The following VWC2L variants were observed in gnomAD, a reference collection of about 807,000 sequenced individuals.
VWC2L encodes von Willebrand factor C domain containing 2 like.
Under a neutral mutation model 21.6 loss-of-function variants are expected in VWC2L, and 10 were observed. The ratio of observed to expected loss-of-function variants is 0.46; its 90% CI spans 0.29 to 0.78. The LOEUF is 0.78. VWC2L is among the 30% of genes least tolerant of loss of function. VWC2L has a pLI of 0.10. For missense variants in VWC2L, 209 were observed against 277.1 expected (o/e 0.75, Z 1.74); for synonymous variants, 96 against 94.3 (o/e 1.02, Z -0.10).
intron 3 of VWC2L, among the ~76,000 whole-genome samples, chr2:214,564,872 C>A (rs1314265276): frequency 6.6e-6 from 1 of 152,072 alleles, no homozygotes; most frequent in Non-Finnish European, 1.5e-5. Flanking sequence ...TACACATCTC[C>A]TCCCTCATCA....
At chr2:214,575,093 CAAAT>C (rs2105936246) in intron 3 of VWC2L, among the ~76,000 whole-genome samples, 1 of 135,934 alleles carries the variant, frequency 7.4e-6, no homozygotes, top group Admixed American at 7.3e-5. Flanking sequence ...TTATAAAAAT[CAAAT>C]GAACCTCTAA....
At chr2:214,444,738 A>G (rs1702814513) in intron 3 of VWC2L, among the ~76,000 whole-genome samples, 1 of 152,054 alleles carries the variant, frequency 6.6e-6, no homozygotes, top group Non-Finnish European at 1.5e-5. Flanking sequence ...GTGTATTACA[A>G]TTTAGTACAC....
intron 3 of VWC2L, among the ~76,000 whole-genome samples, chr2:214,512,919 G>A (rs1392301275): frequency 6.6e-6 from 1 of 152,086 alleles, no homozygotes; most frequent in Non-Finnish European, 1.5e-5. Flanking sequence ...AAACATCACT[G>A]GTTTTTCAAG....
chr2:214,568,602 C>T (rs1398635598), intron 3 of VWC2L, among the ~76,000 whole-genome samples: 2 of 152,040 alleles, frequency 1.3e-5, no homozygotes, highest in Non-Finnish European at 2.9e-5. Flanking sequence ...TAGGGGAACT[C>T]CCTTTTTTAA....
intron 3 of VWC2L, among the ~76,000 whole-genome samples, chr2:214,442,040 T>A (rs1369541323): frequency 6.6e-6 from 1 of 151,870 alleles, no homozygotes; most frequent in Admixed American, 6.6e-5. Flanking sequence ...GCCTCCCAAG[T>A]AGCTGGGATT....
At chr2:214,478,475 A>G (rs1688557021) in intron 3 of VWC2L, among the ~76,000 whole-genome samples, 1 of 152,002 alleles carries the variant, frequency 6.6e-6, no homozygotes, top group South Asian at 2.1e-4. Flanking sequence ...TCTCAAAAAA[A>G]AAAAAACAAC....
intron 3 of VWC2L, among the ~76,000 whole-genome samples, chr2:214,468,218 T>C (rs1396217730): frequency 6.6e-6 from 1 of 152,168 alleles, no homozygotes; most frequent in Non-Finnish European, 1.5e-5. Flanking sequence ...AGTTTCACCA[T>C]GTTGGCCAAG....
intron 3 of VWC2L, among the ~76,000 whole-genome samples, chr2:214,504,135 A>C (rs942919127): frequency 2.0e-5 from 3 of 152,254 alleles, no homozygotes; most frequent in African/African-American, 7.2e-5. Context: ...ACAAAAATCA[A>C]AAGAATGCAG....
At chr2:214,435,574 G>A (rs1702668159) in intron 2 of VWC2L, among the ~76,000 whole-genome samples, 1 of 152,130 alleles carries the variant, frequency 6.6e-6, no homozygotes, top group Admixed American at 6.6e-5. Flanking sequence ...AGCTGACAAG[G>A]GTTTTGGACA....
At chr2:214,508,266 C>T (rs567063884) in intron 3 of VWC2L, among the ~76,000 whole-genome samples, 22 of 152,210 alleles carry the variant, frequency 1.4e-4, no homozygotes, top group Non-Finnish European at 3.2e-4. Flanking sequence ...GCACCACCAC[C>T]CCCGGCTCTT....
chr2:214,411,713 T>C lies in VWC2L; in HGVS notation c.-154T>C, dbSNP rs1386875030. On this transcript the variant is annotated 5_prime_UTR_variant, in exon 1 of 4. An upstream open reading frame in the 5' UTR loses its in-frame stop. Transcript: ENST00000312504. ...GGTAATTAAAGAGGAACTGCTTTCT[T>C]AAAACATACCTGACCTTTTAGTTCA... The C allele has an allele frequency of 6.6e-6, 1 of 152,242 alleles. No individual in the cohort carries two copies. Among genetic ancestry groups the C allele is most frequent in the Non-Finnish European group, 1.5e-5 (1 of 68,048 alleles). 9.4% of individuals were successfully genotyped at this position (152,242 alleles called of 1,614,324 possible).
chr2:214,547,706 C>A (rs1201060347), intron 3 of VWC2L, among the ~76,000 whole-genome samples: 1 of 152,124 alleles, frequency 6.6e-6, no homozygotes, highest in Admixed American at 6.5e-5. Flanking sequence ...TAGGTACTTG[C>A]AATGTAATAG....
At chr2:214,491,917 T>A (rs1196264672) in intron 3 of VWC2L, among the ~76,000 whole-genome samples, 3 of 152,216 alleles carry the variant, frequency 2.0e-5, no homozygotes, top group Admixed American at 1.3e-4. Flanking sequence ...CAGCTTCACT[T>A]TCTGGTTGCC....
chr2:214,454,355 T>C (rs1703022106), intron 3 of VWC2L, among the ~76,000 whole-genome samples: 1 of 152,140 alleles, frequency 6.6e-6, no homozygotes, highest in South Asian at 2.1e-4. Context: ...GTTGTTCTGA[T>C]CTTGTAGGAT....
chr2:214,522,947 A>G (rs934125499), intron 3 of VWC2L, among the ~76,000 whole-genome samples: 1 of 149,614 alleles, frequency 6.7e-6, no homozygotes, highest in African/African-American at 2.4e-5. Context: ...TTTTTAATAT[A>G]AGAAGAACAT....
intron 1 of VWC2L, among the ~76,000 whole-genome samples, chr2:214,413,772 T>C (rs1702312599): frequency 6.6e-6 from 1 of 152,204 alleles, no homozygotes; most frequent in Non-Finnish European, 1.5e-5. Context: ...TGAGTTCAAA[T>C]ATTCTTGAGC....
At chr2:214,566,230 T>C (rs1466352132) in intron 3 of VWC2L, among the ~76,000 whole-genome samples, 1 of 152,168 alleles carries the variant, frequency 6.6e-6, no homozygotes, top group Non-Finnish European at 1.5e-5. Flanking sequence ...TCCTCCTGAA[T>C]GTGAGACTAG....
At chr2:214,564,987 C>A (rs758980942) in intron 3 of VWC2L, among the ~76,000 whole-genome samples, 2 of 152,062 alleles carry the variant, frequency 1.3e-5, no homozygotes, top group African/African-American at 2.4e-5. Context: ...CAAATATGCA[C>A]CAAAGTTTGT....
chr2:214,555,926 G>A (rs944799213), intron 3 of VWC2L, among the ~76,000 whole-genome samples: 18 of 152,092 alleles, frequency 1.2e-4, no homozygotes, highest in Admixed American at 1.1e-3. Flanking sequence ...GCCCATTTAT[G>A]TTTATGATGA....
Sources: gnomAD v4.1 joint callset for allele counts (sites outside exome capture counted in the v4.1 genomes callset) on GRCh38, gnomAD v4.1.1 for gene constraint, MANE v1.5 for transcripts, NCBI Gene and HGNC (gene_info 2026-07-23, HGNC 2026-07-21) for gene names.